Variants in CES5A observed in about 807,000 individuals in gnomAD.
CES5A encodes carboxylesterase 5.
CES5A carries 67 observed loss-of-function variants against 62.9 expected under a neutral mutation model. The observed-to-expected ratio is 1.07, with a 90% confidence interval of 0.88 to 1.31. The LOEUF is 1.31. Among genes scored for constraint, CES5A ranks in the 50% most tolerant of loss-of-function variants. The pLI is 0.00. For synonymous variants in CES5A, 296 were observed against 280.8 expected (o/e 1.05, Z -0.54); for missense variants, 748 against 708.5 (o/e 1.06, Z -0.63).
chr16:55,915,569 G>A (rs1051372526), intron 1 of CES5A, among the ~76,000 whole-genome samples: 4 of 152,084 alleles, frequency 2.6e-5, no homozygotes, highest in Non-Finnish European at 5.9e-5. Context: ...GGGGAGGGCA[G>A]GAAGAGGCCT....
chr16:55,856,943 T>C (rs1480895498), intron 8 of CES5A, among the ~76,000 whole-genome samples: 1 of 152,208 alleles, frequency 6.6e-6, no homozygotes, highest in African/African-American at 2.4e-5. Context: ...TGTGAGAACA[T>C]GAATGTCTGT....
intron 1 of CES5A, among the ~76,000 whole-genome samples, chr16:55,920,771 A>G (rs1437276021): frequency 1.3e-5 from 2 of 152,206 alleles, no homozygotes; most frequent in Non-Finnish European, 1.5e-5. Flanking sequence ...TGGACAAAGC[A>G]AGGAACCAGT....
At chr16:55,900,707 G>A (rs2033981807) in intron 1 of CES5A, among the ~76,000 whole-genome samples, 1 of 152,132 alleles carries the variant, frequency 6.6e-6, no homozygotes, top group Admixed American at 6.5e-5. Flanking sequence ...TTGGGGTGAG[G>A]AACAAGAGTC....
intron 1 of CES5A, among the ~76,000 whole-genome samples, chr16:55,921,831 T>C (rs1373204540): frequency 1.3e-5 from 2 of 151,698 alleles, no homozygotes; most frequent in East Asian, 3.9e-4. Flanking sequence ...TGTTAAGAAA[T>C]GGGTAATATA....
chr16:55,855,212 G>A (rs2033216466), intron 9 of CES5A, among the ~76,000 whole-genome samples: 1 of 152,208 alleles, frequency 6.6e-6, no homozygotes, highest in Admixed American at 6.5e-5. Context: ...GAAGTGCAGG[G>A]GCATGTGGAC....
intron 1 of CES5A, among the ~76,000 whole-genome samples, chr16:55,892,950 G>T (rs2033896245): frequency 6.6e-6 from 1 of 152,130 alleles, no homozygotes; most frequent in Admixed American, 6.5e-5. Context: ...GAGGAGTTGT[G>T]CAGGGACAAG....
intron 1 of CES5A, among the ~76,000 whole-genome samples, chr16:55,911,380 CTAT>C (rs2034090751): frequency 6.6e-6 from 1 of 152,172 alleles, no homozygotes; most frequent in Admixed American, 6.5e-5. Flanking sequence ...AGTTTAAAAT[CTAT>C]TAATAAGGAC....
At chr16:55,912,886 C>A (rs2034109362) in intron 1 of CES5A, among the ~76,000 whole-genome samples, 1 of 152,114 alleles carries the variant, frequency 6.6e-6, no homozygotes, top group Non-Finnish European at 1.5e-5. Context: ...ACTGAGCCCC[C>A]AGGTGTGGGC....
At chr16:55,930,403 C>T (rs1197448038), upstream of CES5A, among the ~76,000 whole-genome samples, 1 of 152,218 alleles carries the variant, frequency 6.6e-6, no homozygotes, top group Non-Finnish European at 1.5e-5. Context: ...CTTCCACTCC[C>T]TGCCCAGTTA....
In CES5A at chr16:55,846,647, G is replaced by C; in HGVS notation, c.1532C>G (p.Ala511Gly). The C allele has an allele frequency of 6.2e-7, 1 of 1,614,120 alleles. No homozygotes were observed. Among genetic ancestry groups the C allele is most frequent in the Non-Finnish European group, 8.5e-7 (1 of 1,180,014 alleles). The change falls in exon 13 of 13, where the codon GCT becomes GGT. Residue 511 changes from alanine to glycine, a missense_variant. By Grantham distance (60) the Ala-to-Gly change is moderately conservative. Transcript: ENST00000290567. ...PNGNDLSLWP[A>G]YNLTEQYLQL... ...GAGGTACTGCTCAGTCAGATTATAAGCTGGCCACAGAGACAGGTCGTTCCC... is the reference window on the plus strand; with the variant it reads ...GAGGTACTGCTCAGTCAGATTATAACCTGGCCACAGAGACAGGTCGTTCCC...
At chr16:55,892,877 T>C (rs768363717) in intron 1 of CES5A, among the ~76,000 whole-genome samples, 2 of 152,194 alleles carry the variant, frequency 1.3e-5, no homozygotes, top group Non-Finnish European at 2.9e-5. Context: ...TGCAGTTATA[T>C]CTTTGGGAGA....
chr16:55,946,765 C>T (rs2034499056), intron 2 of CES5A, among the ~76,000 whole-genome samples: 1 of 152,218 alleles, frequency 6.6e-6, no homozygotes, highest in Non-Finnish European at 1.5e-5. Context: ...TTAACGGGGG[C>T]AGCTCTGCTG....
chr16:55,899,443 C>A (rs1271404097), intron 1 of CES5A, among the ~76,000 whole-genome samples: 1 of 152,208 alleles, frequency 6.6e-6, no homozygotes, highest in African/African-American at 2.4e-5. Context: ...AAAAATCCAA[C>A]TTGGAAAGAG....
At chr16:55,898,252 C>T (rs555007124) in intron 1 of CES5A, among the ~76,000 whole-genome samples, 15 of 152,248 alleles carry the variant, frequency 9.9e-5, no homozygotes, top group Admixed American at 3.9e-4. Flanking sequence ...CTAGTTCATA[C>T]ATGTAAAATC....
chr16:55,927,735 A>G (rs1468394593), upstream of CES5A, among the ~76,000 whole-genome samples: 4 of 152,220 alleles, frequency 2.6e-5, no homozygotes. Flanking sequence ...AACTAGAAGT[A>G]GATCTACCAT....
chr16:55,921,984 T>G (rs938677161), intron 1 of CES5A, among the ~76,000 whole-genome samples: 6 of 151,988 alleles, frequency 3.9e-5, no homozygotes, highest in African/African-American at 7.2e-5. Flanking sequence ...ACTTGTTATA[T>G]CTATAAGATA....
intron 1 of CES5A, among the ~76,000 whole-genome samples, chr16:55,891,135 C>G (rs2033872234): frequency 6.6e-6 from 1 of 152,040 alleles, no homozygotes; most frequent in Non-Finnish European, 1.5e-5. Flanking sequence ...AACCACTCAC[C>G]TCGTCACTCT....
chr16:55,885,371 G>A (rs562123234), intron 1 of CES5A, among the ~76,000 whole-genome samples: 3 of 152,156 alleles, frequency 2.0e-5, no homozygotes, highest in African/African-American at 4.8e-5. Context: ...GGTCTGAGAA[G>A]GATTAAACGT....
chr16:55,848,039 G>C (rs1157268943), intron 11 of CES5A, among the ~76,000 whole-genome samples: 4 of 151,984 alleles, frequency 2.6e-5, no homozygotes, highest in African/African-American at 7.3e-5. Context: ...GCCTCCCAAA[G>C]TGATGGCATT....
Sources: allele counts gnomAD v4.1 joint callset (sites outside exome capture counted in the v4.1 genomes callset), GRCh38; gene constraint gnomAD v4.1.1; transcripts MANE v1.5; gene names NCBI Gene and HGNC (gene_info 2026-07-23, HGNC 2026-07-21).